Variants in SGCD observed in about 807,000 individuals in gnomAD.
The protein encoded by SGCD is delta-sarcoglycan.
A neutral mutation model predicts 36.6 loss-of-function variants in SGCD; 18 were observed. That is an observed-to-expected ratio of 0.49 (90% CI 0.34 to 0.73). SGCD has a LOEUF of 0.73. Ranked by LOEUF, SGCD falls within the 30% of genes least tolerant of loss-of-function variation. The probability of loss-of-function intolerance (pLI) is 0.01; values close to 1 mark genes in which losing one functional copy is unlikely to be tolerated. For synonymous variants in SGCD, 133 were observed against 130.6 expected (o/e 1.02, Z -0.12); for missense variants, 387 against 346.7 (o/e 1.12, Z -0.92).
intron 3 of SGCD, among the ~76,000 whole-genome samples, chr5:156,365,727 A>G (rs1334942817): frequency 6.6e-6 from 1 of 152,128 alleles, no homozygotes; most frequent in Non-Finnish European, 1.5e-5. Context: ...TATACAATAT[A>G]TACATGTATA....
At chr5:156,237,149 A>AAAC (rs780964241) in intron 3 of SGCD, among the ~76,000 whole-genome samples, 1 of 152,072 alleles carries the variant, frequency 6.6e-6, no homozygotes, top group Admixed American at 6.5e-5. Flanking sequence ...CCAGAATTTT[A>AAAC]AACAACAACA....
chr5:156,295,019 T>G (rs1399335539), intron 3 of SGCD, among the ~76,000 whole-genome samples: 3 of 152,164 alleles, frequency 2.0e-5, no homozygotes, highest in African/African-American at 7.2e-5. Context: ...TCCCTCTTCT[T>G]CAATATTTTG....
intron 3 of SGCD, among the ~76,000 whole-genome samples, chr5:156,392,172 T>A (rs11743065): frequency 0.48 from 73,251 of 152,058 alleles, 18,072 homozygotes; most frequent in Middle Eastern, 0.59. Flanking sequence ...ATAACAGTGA[T>A]AGATAGCAAC....
chr5:156,533,900 G>T (rs1203592813), intron 4 of SGCD, among the ~76,000 whole-genome samples: 2 of 152,110 alleles, frequency 1.3e-5, no homozygotes, highest in African/African-American at 2.4e-5. Context: ...TGTACTCAGA[G>T]TATACTTAAA....
intron 1 of SGCD, among the ~76,000 whole-genome samples, chr5:155,877,142 T>C (rs1428226863): frequency 2.0e-5 from 3 of 152,128 alleles, no homozygotes; most frequent in African/African-American, 7.2e-5. Context: ...ATGCAAATGC[T>C]ACAAGAAGAG....
At chr5:156,276,415 T>A (rs1766319655) in intron 3 of SGCD, among the ~76,000 whole-genome samples, 1 of 152,208 alleles carries the variant, frequency 6.6e-6, no homozygotes, top group Non-Finnish European at 1.5e-5. Context: ...ATGAGTTAAC[T>A]TGGCAAGGAT....
intron 3 of SGCD, among the ~76,000 whole-genome samples, chr5:156,286,435 C>A (rs567341172): frequency 6.6e-6 from 1 of 152,280 alleles, no homozygotes; most frequent in African/African-American, 2.4e-5. Flanking sequence ...AAATGTCCAA[C>A]AATGATAGAC....
At chr5:156,468,084 C>T (rs1581036526) in intron 3 of SGCD, among the ~76,000 whole-genome samples, 1 of 152,170 alleles carries the variant, frequency 6.6e-6, no homozygotes, top group East Asian at 1.9e-4. Flanking sequence ...TGTTGTGGCT[C>T]ATGCCTGTAA....
chr5:156,357,339 A>G (rs1326409633), intron 3 of SGCD, among the ~76,000 whole-genome samples: 6 of 152,234 alleles, frequency 3.9e-5, no homozygotes, highest in Non-Finnish European at 8.8e-5. Flanking sequence ...CCAGGTCAAT[A>G]TATAAACCAA....
At chr5:156,316,916 G>A (rs532258616) in intron 3 of SGCD, among the ~76,000 whole-genome samples, 2 of 152,082 alleles carry the variant, frequency 1.3e-5, no homozygotes, top group African/African-American at 4.8e-5. Flanking sequence ...TTTTAAGAGA[G>A]GATCCATTGA....
intron 1 of SGCD, among the ~76,000 whole-genome samples, chr5:156,005,673 G>A (rs4565195): frequency 0.071 from 10,750 of 152,140 alleles, 1,313 homozygotes; most frequent in African/African-American, 0.24. Context: ...GATGGTCTCT[G>A]TCTCCTGACC....
At chr5:156,113,740 C>A (rs949661697) in intron 1 of SGCD, among the ~76,000 whole-genome samples, 3 of 152,110 alleles carry the variant, frequency 2.0e-5, no homozygotes, top group African/African-American at 7.2e-5. Flanking sequence ...TTCATAATTA[C>A]CCAAAACTGG....
intron 1 of SGCD, among the ~76,000 whole-genome samples, chr5:155,954,410 G>C (rs1757605646): frequency 6.6e-6 from 1 of 152,114 alleles, no homozygotes; most frequent in Non-Finnish European, 1.5e-5. Context: ...AAACTGATGA[G>C]ACATGAATCA....
chr5:156,588,567 A>G (rs920722956), intron 4 of SGCD, among the ~76,000 whole-genome samples: 6 of 152,122 alleles, frequency 3.9e-5, no homozygotes, highest in African/African-American at 1.4e-4. Flanking sequence ...AATGTGTACC[A>G]CTGTGTGAAA....
the SGCD span, among the ~76,000 whole-genome samples, chr5:155,740,317 A>G: frequency 0.38 from 58,238 of 152,068 alleles, 11,835 homozygotes; most frequent in Non-Finnish European, 0.45. Context: ...TTATTTTTAT[A>G]CATTATAGTG....
chr5:156,601,248 T>G (rs1405626135), intron 6 of SGCD, among the ~76,000 whole-genome samples: 1 of 152,228 alleles, frequency 6.6e-6, no homozygotes, highest in East Asian at 1.9e-4. Context: ...CTACGCTTTC[T>G]TCTAGTATTG....
rs12522987 is a variant in SGCD at position 156,610,664 on chromosome 5, T to A, written c.502+15613T>A. The stretch of plus-strand genomic sequence containing the variant: ...GGTGGAGTCTGCAGAGGCAGGCAGG[T>A]CTCCTTGAGCTGCGGTGGGCTCCAC... On this transcript the variant is annotated intron_variant, in intron 6 of 8. Coordinates refer to ENST00000337851, the MANE Select transcript of SGCD (RefSeq NM_000337.6). Among the ~76,000 whole-genome samples the A allele has an allele frequency of 1.5e-3, 235 of 152,230 alleles. 2 individuals carry two copies. The highest frequency in any genetic ancestry group is 3.4e-3 in the Middle Eastern group (1 of 294).
intron 3 of SGCD, among the ~76,000 whole-genome samples, chr5:156,192,413 T>A (rs566824122): frequency 6.6e-6 from 1 of 152,188 alleles, no homozygotes; most frequent in African/African-American, 2.4e-5. Flanking sequence ...ATGTGAGAGC[T>A]AAAAAAGTTG....
chr5:156,579,714 A>G (rs563996172), intron 4 of SGCD, among the ~76,000 whole-genome samples: 1 of 152,166 alleles, frequency 6.6e-6, no homozygotes, highest in South Asian at 2.1e-4. Context: ...AGTCTGTTTT[A>G]TCAGAGACTA....
Sources: allele counts gnomAD v4.1 joint callset (sites outside exome capture counted in the v4.1 genomes callset), GRCh38; gene constraint gnomAD v4.1.1; transcripts MANE v1.5; gene names NCBI Gene and HGNC (gene_info 2026-07-23, HGNC 2026-07-21).